Variants in NIPBL observed in about 807,000 individuals in gnomAD.
NIPBL encodes NIPBL cohesin loading factor, also known as nipped-B-like protein.
Under a neutral mutation model 321.8 loss-of-function variants are expected in NIPBL, and 19 were observed. That is an observed-to-expected ratio of 0.06 (90% CI 0.04 to 0.09). The LOEUF (loss-of-function observed/expected upper bound fraction) is 0.09, where lower values mean the gene tolerates loss of function less well. Among genes scored for constraint, NIPBL ranks in the 10% least tolerant of loss-of-function variants. The probability of loss-of-function intolerance (pLI) is 1.00; values close to 1 mark genes in which losing one functional copy is unlikely to be tolerated. For missense variants in NIPBL, 2,210 were observed against 3,327.0 expected (o/e 0.66, Z 8.26); for synonymous variants, 1,106 against 1,114.1 (o/e 0.99, Z 0.14).
At chr5:36,912,285 A>G (rs902392598) in intron 1 of NIPBL, among the ~76,000 whole-genome samples, 2 of 152,242 alleles carry the variant, frequency 1.3e-5, no homozygotes, top group African/African-American at 2.4e-5. Context: ...TAGAGAAGGA[A>G]TATAGGGAGG....
intron 1 of NIPBL, among the ~76,000 whole-genome samples, chr5:36,932,736 G>T (rs1339943405): frequency 2.9e-5 from 3 of 102,656 alleles, no homozygotes; most frequent in Admixed American, 9.3e-5. Context: ...GCCTTCTTTT[G>T]TGTTAAATAT....
At chr5:37,008,588 T>G in intron 19 of NIPBL, 35 bp from the exon 20 acceptor site, 2 of 1,068,594 alleles carry the variant, frequency 1.9e-6, no homozygotes, top group South Asian at 2.6e-5. Flanking sequence ...TTTTCTATTA[T>G]AAGTTTAACT....
At chr5:37,017,755 T>C (rs1463938089) in intron 24 of NIPBL, among the ~76,000 whole-genome samples, 1 of 152,058 alleles carries the variant, frequency 6.6e-6, no homozygotes, top group Middle Eastern at 3.2e-3. Context: ...TCCATGTTGG[T>C]AGAAATGCCT....
At chr5:36,973,383 A>T (rs1743089226) in intron 8 of NIPBL, among the ~76,000 whole-genome samples, 1 of 151,496 alleles carries the variant, frequency 6.6e-6, no homozygotes, top group Admixed American at 6.6e-5. Flanking sequence ...GTTCTGGGAT[A>T]CATGTGCAGA....
chr5:36,890,161 A>G (rs1746210880), intron 1 of NIPBL, among the ~76,000 whole-genome samples: 1 of 152,196 alleles, frequency 6.6e-6, no homozygotes, highest in Admixed American at 6.5e-5. Flanking sequence ...TGGATGAACC[A>G]TAATTTATTC....
chr5:36,882,018 G>A (rs1259081382), intron 1 of NIPBL, among the ~76,000 whole-genome samples: 1 of 151,858 alleles, frequency 6.6e-6, no homozygotes, highest in East Asian at 1.9e-4. Context: ...TAGTATGACT[G>A]ATCATTTTGT....
At chr5:37,052,816 C>T (rs745633408) in intron 42 of NIPBL, among the ~76,000 whole-genome samples, 43 of 152,168 alleles carry the variant, frequency 2.8e-4, no homozygotes, top group Non-Finnish European at 5.6e-4. Flanking sequence ...ACTTTGATAA[C>T]AGTTTCTGTA....
rs1341430994 is a variant in NIPBL, at chr5:37,008,706, G to A, written c.4404G>A (p.Arg1468=). The A allele has an allele frequency of 1.3e-6, 2 of 1,589,746 alleles. No individual in the cohort carries two copies. The highest frequency in any genetic ancestry group is 1.7e-6 in the Non-Finnish European group (2 of 1,158,106). ...TSLARLPTSK[R]SLRNFRLNSS... is the part of the protein sequence containing the mutation. Reference sequence around the variant, plus strand: ...TTGCAAGATTACCAACCAGCAAGAGGAGTTTAAGGAACTTCAGGTAATTAA... The same window carrying A: ...TTGCAAGATTACCAACCAGCAAGAGAAGTTTAAGGAACTTCAGGTAATTAA... The change falls in exon 20 of 47, where the codon AGG becomes AGA. Residue 1468 remains arginine (R), a synonymous_variant. Transcript: ENST00000282516.
rs1753264494 is a variant in NIPBL at position 37,049,095 on chromosome 5, T to C, written c.6764-16T>C. 2 of 1,613,446 alleles carry C rather than the reference T, an allele frequency of 1.2e-6. No homozygotes were observed. Among genetic ancestry groups the C allele is most frequent in the African/African-American group, 2.7e-5 (2 of 74,908 alleles). Reference sequence around the variant, plus strand: ...GGTGCTCTTAATGTGTGTTTATCCTTTGCTTGCTTTTGTAGGGAAGAAAGT... The same window carrying C: ...GGTGCTCTTAATGTGTGTTTATCCTCTGCTTGCTTTTGTAGGGAAGAAAGT... On this transcript the variant is annotated splice_polypyrimidine_tract_variant and intron_variant, in intron 39 of 46. Coordinates refer to ENST00000282516, the MANE Select transcript of NIPBL (RefSeq NM_133433.4).
At chr5:37,016,437 AGCAT>A (rs1749007541) in intron 23 of NIPBL, among the ~76,000 whole-genome samples, 1 of 152,132 alleles carries the variant, frequency 6.6e-6, no homozygotes, top group Non-Finnish European at 1.5e-5. Flanking sequence ...TATTGTTAAA[AGCAT>A]CTCAACACTG....
chr5:36,991,862 T>C (rs920536678), intron 10 of NIPBL, among the ~76,000 whole-genome samples: 1 of 151,928 alleles, frequency 6.6e-6, no homozygotes, highest in Non-Finnish European at 1.5e-5. Context: ...GTCCCAAAGA[T>C]TTTATTAGTT....
chr5:37,009,254 C>T (rs1747809070), intron 20 of NIPBL, among the ~76,000 whole-genome samples: 1 of 151,280 alleles, frequency 6.6e-6, no homozygotes, highest in Non-Finnish European at 1.5e-5. Context: ...AAATAAAAAA[C>T]AGAAAGATTA....
Position 36,985,213 on chromosome 5 carries a change from T to C in NIPBL, c.2033T>C (p.Leu678Pro). ...GAGCCTAAACAAAATGAAAATAGAC[T>C]GTCTGACACAAAACCAAATGACAAC... Reference protein sequence around the residue: ...IVEPKQNENRLSDTKPNDNKQ... With the variant: ...IVEPKQNENRPSDTKPNDNKQ... Residue 678 changes from leucine (L) to proline (P), a missense_variant, in exon 10 of 47, where the codon CTG becomes CCG. Around this residue, in one of 14 missense-constraint regions of NIPBL, gnomAD observed 588 missense variants for 564.1 expected, o/e 1.04. Coordinates refer to ENST00000282516, the MANE Select transcript of NIPBL (RefSeq NM_133433.4). 3.1e-6 allele frequency: 5 copies of C among 1,613,750 alleles called. No individual in the cohort carries two copies. Among genetic ancestry groups the C allele is most frequent in the Non-Finnish European group, 4.2e-6 (5 of 1,179,938 alleles).
chr5:37,015,016 T>C (rs1748771725), intron 22 of NIPBL, among the ~76,000 whole-genome samples: 1 of 152,232 alleles, frequency 6.6e-6, no homozygotes, highest in African/African-American at 2.4e-5. Flanking sequence ...GAAATTAAAG[T>C]ACTAGATTGA....
At chr5:36,958,934 TG>T (rs1741287441) in intron 4 of NIPBL, among the ~76,000 whole-genome samples, 1 of 152,174 alleles carries the variant, frequency 6.6e-6, no homozygotes, top group Non-Finnish European at 1.5e-5. Flanking sequence ...CAGCCGGGCA[TG>T]GTGACTCACG....
Position 37,052,464 on chromosome 5 carries a change from C to G in NIPBL, c.7161C>G (p.Ser2387=). ...DPVRGFRQDE[S]SSALCSHLYS... ...TAAGGGGTTTCAGACAAGACGAGTCCTCTAGCGCTTTGTGTTCACACCTTT... is the reference window on the plus strand; with the variant it reads ...TAAGGGGTTTCAGACAAGACGAGTCGTCTAGCGCTTTGTGTTCACACCTTT... Residue 2387 remains serine, a synonymous_variant, in exon 42 of 47, where the codon TCC becomes TCG. Transcript: ENST00000282516. 1 of 1,614,042 alleles carries G rather than the reference C, an allele frequency of 6.2e-7. No individual in the cohort carries two copies. Among genetic ancestry groups the G allele is most frequent in the Non-Finnish European group, 8.5e-7 (1 of 1,179,964 alleles).
chr5:37,052,013 CA>C (rs1329810211), intron 41 of NIPBL, 127 bp downstream of exon 41: 15 of 757,938 alleles, frequency 2.0e-5, no homozygotes, highest in Non-Finnish European at 2.7e-5. Context: ...ATCTTCTAAA[CA>C]TGCAACTAAG....
At chr5:36,959,502 A>G (rs1741356592) in intron 4 of NIPBL, among the ~76,000 whole-genome samples, 1 of 152,342 alleles carries the variant, frequency 6.6e-6, no homozygotes, top group East Asian at 1.9e-4. Flanking sequence ...TTAGATTGCA[A>G]TAGTAGGAGA....
intron 34 of NIPBL, among the ~76,000 whole-genome samples, chr5:37,042,670 C>T (rs990186266): frequency 6.6e-5 from 10 of 151,438 alleles, no homozygotes; most frequent in East Asian, 2.0e-4. Context: ...GGCTAGTTGT[C>T]GATCCATATT....
Sources: allele counts gnomAD v4.1 joint callset (sites outside exome capture counted in the v4.1 genomes callset), GRCh38; gene constraint gnomAD v4.1.1; regional missense constraint gnomAD v4.1.1; transcripts MANE v1.5; gene names NCBI Gene and HGNC (gene_info 2026-07-23, HGNC 2026-07-21).